AHCTF1: variants seen among roughly 807,000 people sequenced by gnomAD.
AHCTF1 encodes the protein AT-hook containing transcription factor 1.
In AHCTF1, 24 loss-of-function variants were observed where a neutral mutation model predicts 248.4. The observed-to-expected ratio is 0.10, with a 90% CI of 0.07 to 0.14. The LOEUF is 0.14. Ranked by LOEUF, AHCTF1 falls within the 10% of genes least tolerant of loss-of-function variation. The pLI is 1.00. For synonymous variants in AHCTF1, 786 were observed against 929.8 expected (o/e 0.85, Z 2.81); for missense variants, 2,206 against 2,636.2 (o/e 0.84, Z 3.57).
In AHCTF1 at chr1:246,877,044, A is replaced by G; in HGVS notation, c.2843T>C (p.Val948Ala). Residue 948 changes from valine to alanine, a missense_variant, in exon 23 of 36, where the codon GTT becomes GCT. Coordinates refer to ENST00000648844, the MANE Select transcript of AHCTF1 (RefSeq NM_001323342.2). ...CACTAAAAGGAATTCATGATTCTGA[A>G]CGCTGGCACTGGACTGCAAAAATTT... ...LVKFLQSSASVQNHEFLLVHH... is the reference protein window; with the variant it reads ...LVKFLQSSASAQNHEFLLVHH... 1 of 1,612,224 alleles carries G rather than the reference A, an allele frequency of 6.2e-7. No individual in the cohort carries two copies. Among genetic ancestry groups the G allele is most frequent in the Non-Finnish European group, 8.5e-7 (1 of 1,179,990 alleles).
chr1:246,867,899 C>T (rs540056502), intron 24 of AHCTF1, 88 bp from the exon 25 acceptor site: 2 of 557,362 alleles, frequency 3.6e-6, no homozygotes, highest in Non-Finnish European at 5.3e-6. Context: ...ACACCCCCCC[C>T]CCCACACACA....
At chr1:246,888,581 C>T (rs774492793) in intron 17 of AHCTF1, 64 bp from the exon 18 acceptor site, 4 of 1,550,128 alleles carry the variant, frequency 2.6e-6, no homozygotes, top group African/African-American at 1.4e-5. Context: ...AAGCAACCAG[C>T]ATCAAAATAT....
rs1234018054 is a variant in AHCTF1 at position 246,850,277 on chromosome 1, T to G, written c.5729A>C (p.Asn1910Thr). ...SRMIRKLRST[N>T]LDASENTGNK... ...TCCTGTATTTTCAGAAGCATCTAAA[T>G]TAGTACTTCTCAATTTTCTGATCAT... is the stretch of plus-strand genomic sequence containing the variant. The change falls in exon 33 of 36, where the codon AAT becomes ACT. Residue 1910 changes from asparagine to threonine, a missense_variant. By Grantham distance (65) the Asn-to-Thr change is moderately conservative. Coordinates refer to ENST00000648844, the MANE Select transcript of AHCTF1 (RefSeq NM_001323342.2). The G allele has an allele frequency of 9.3e-6, 15 of 1,613,860 alleles. No homozygotes were observed. The highest frequency in any genetic ancestry group is 1.2e-5 in the Non-Finnish European group (14 of 1,179,860).
chr1:246,913,132 T>A, intron 4 of AHCTF1, 100 bp downstream of exon 4: 1 of 1,012,470 alleles, frequency 9.9e-7, no homozygotes, highest in Non-Finnish European at 1.4e-6. Flanking sequence ...ATATCTTTTA[T>A]TTTACTCCAG....
In AHCTF1 at chr1:246,907,540, G is replaced by A; in HGVS notation, c.764+11C>T. On this transcript the variant is annotated intron_variant, in intron 5 of 35. Coordinates refer to ENST00000648844, the MANE Select transcript of AHCTF1 (RefSeq NM_001323342.2). Reference sequence around the variant, plus strand: ...ACCTATAATCAAATAAGGGAAAAAAGTTATACTTACTCTCTTTTCATGCTT... The same window carrying A: ...ACCTATAATCAAATAAGGGAAAAAAATTATACTTACTCTCTTTTCATGCTT... 6.2e-7 allele frequency: 1 copy of A among 1,609,686 alleles called. No individual in the cohort carries two copies. The highest frequency in any genetic ancestry group is 1.1e-5 in the South Asian group (1 of 90,398).
chr1:246,891,118 G>A, intron 15 of AHCTF1, 58 bp from the exon 16 acceptor site: 1 of 1,091,604 alleles, frequency 9.2e-7, no homozygotes, highest in Non-Finnish European at 1.3e-6. Context: ...ATGCTCCACA[G>A]TTTTCAAAAT....
At chr1:246,903,505 T>C (rs1558264044) in intron 7 of AHCTF1, among the ~76,000 whole-genome samples, 1 of 152,134 alleles carries the variant, frequency 6.6e-6, no homozygotes, top group Non-Finnish European at 1.5e-5. Context: ...TTCTACTACA[T>C]TATGAATACA....
chr1:246,914,934 A>C (rs1177909159), intron 3 of AHCTF1, among the ~76,000 whole-genome samples: 1 of 152,108 alleles, frequency 6.6e-6, no homozygotes, highest in Non-Finnish European at 1.5e-5. Flanking sequence ...TCAGCTCCTC[A>C]TCATTATTTA....
intron 1 of AHCTF1, among the ~76,000 whole-genome samples, chr1:246,923,754 T>C (rs970893872): frequency 1.1e-4 from 17 of 149,474 alleles, no homozygotes; most frequent in East Asian, 2.0e-4. Flanking sequence ...TGTGTGTGTG[T>C]GCGCGTAGCA....
intron 12 of AHCTF1, among the ~76,000 whole-genome samples, 166 bp from the exon 13 acceptor site, chr1:246,896,091 A>T (rs2103154991): frequency 6.6e-6 from 1 of 152,370 alleles, no homozygotes; most frequent in Non-Finnish European, 1.5e-5. Flanking sequence ...GGACGTGTTA[A>T]AACTGGAACT....
At chr1:246,880,031 G>T (rs1367438860) in intron 21 of AHCTF1, among the ~76,000 whole-genome samples, 1 of 152,004 alleles carries the variant, frequency 6.6e-6, no homozygotes, top group Admixed American at 6.6e-5. Context: ...TGTTAAAAGG[G>T]TTTAGTGGGA....
rs1279647331 is a variant in AHCTF1 at position 246,867,903 on chromosome 1, A to AC, written c.3089-93dup. 57 of 127,198 alleles carry AC rather than the reference A, an allele frequency of 4.5e-4. 6 individuals carry two copies. The highest frequency in any genetic ancestry group is 3.8e-3 in the African/African-American group (54 of 14,106). The allele number at this position is 127,198 out of a possible 1,614,324, so 7.9% of individuals were successfully genotyped here. On this transcript the variant is annotated intron_variant, in intron 24 of 35. Coordinates refer to ENST00000648844, the MANE Select transcript of AHCTF1 (RefSeq NM_001323342.2). ...AAAGAATGATTACACCCCCCCCCCC[A>AC]CACACACACACACACACATTACGTG...
chr1:246,855,565 T>C (rs778050607), intron 31 of AHCTF1, among the ~76,000 whole-genome samples, 165 bp downstream of exon 31: 8 of 152,190 alleles, frequency 5.3e-5, no homozygotes, highest in Non-Finnish European at 7.3e-5. Flanking sequence ...ACAGCTTATA[T>C]ATCTCCTTAG....
chr1:246,893,589 G>A (rs920370526), intron 14 of AHCTF1, among the ~76,000 whole-genome samples: 4 of 152,024 alleles, frequency 2.6e-5, no homozygotes, highest in South Asian at 2.1e-4. Context: ...AGACTCAATC[G>A]AAATGAACAA....
intron 4 of AHCTF1, among the ~76,000 whole-genome samples, chr1:246,910,970 T>TCA (rs1665757502): frequency 6.6e-6 from 1 of 152,220 alleles, no homozygotes; most frequent in Non-Finnish European, 1.5e-5. Context: ...TTGGTGTATT[T>TCA]CAGTGAAGCC....
intron 14 of AHCTF1, among the ~76,000 whole-genome samples, chr1:246,892,833 C>T (rs1283740446): frequency 2.0e-5 from 3 of 151,708 alleles, no homozygotes; most frequent in East Asian, 1.9e-4. Context: ...TTTGCAGAGA[C>T]GGGGGTCTTG....
At chr1:246,902,774 A>C in intron 7 of AHCTF1, 99 bp from the exon 8 acceptor site, 1 of 1,194,976 alleles carries the variant, frequency 8.4e-7, no homozygotes, top group East Asian at 2.6e-5. Context: ...CACACAATAC[A>C]AAGAAAACAA....
chr1:246,913,556 ATAAT>A, intron 3 of AHCTF1, 144 bp from the exon 4 acceptor site: 1 of 730,688 alleles, frequency 1.4e-6, no homozygotes, highest in Non-Finnish European at 2.1e-6. Context: ...TGTGATCTGA[ATAAT>A]GAAATCTTCA....
chr1:246,849,517 G>A lies in AHCTF1; in HGVS notation c.6391+98C>T, dbSNP rs548342591. On this transcript the variant is annotated intron_variant, in intron 33 of 35. Transcript: ENST00000648844. ...CAATTTTGGTTTGAGGGGGGAAGGG[G>A]AAAAATTCCCTATAAAACCATTTTT... The A allele has an allele frequency of 1.5e-4, 228 of 1,475,980 alleles. 1 individual carries two copies. Among genetic ancestry groups the A allele is most frequent in the Middle Eastern group, 1.3e-3 (7 of 5,376 alleles). The allele number at this position is 1,475,980 out of a possible 1,614,324, so 91.4% of individuals were successfully genotyped here. A position where few individuals can be genotyped will look rare whatever the true frequency, so the allele number is the denominator to read the frequency against.
Sources: gnomAD v4.1 joint callset for allele counts (sites outside exome capture counted in the v4.1 genomes callset) on GRCh38, gnomAD v4.1.1 for gene constraint, MANE v1.5 for transcripts, NCBI Gene and HGNC (gene_info 2026-07-23, HGNC 2026-07-21) for gene names.